PPFIBP1: variants seen among roughly 807,000 people sequenced by gnomAD.
The protein encoded by PPFIBP1 is liprin-beta-1.
A neutral mutation model predicts 137.8 loss-of-function variants in PPFIBP1; 112 were observed. That is an observed-to-expected ratio of 0.81 (90% confidence interval 0.70 to 0.95). PPFIBP1 has a LOEUF of 0.95. PPFIBP1 is among the 40% of genes least tolerant of loss of function. The pLI is 0.00. For missense variants in PPFIBP1, 1,083 were observed against 1,196.6 expected, an observed-to-expected ratio of 0.91 and a Z score of 1.40; for synonymous variants, 378 against 417.3, an observed-to-expected ratio of 0.91 and a Z score of 1.15.
At chr12:27,616,327 G>A (rs1305347895) in intron 2 of PPFIBP1, among the ~76,000 whole-genome samples, 1 of 139,994 alleles carries the variant, frequency 7.1e-6, no homozygotes, top group East Asian at 2.0e-4. Flanking sequence ...TTTTTTTTTG[G>A]TTCTGTTTGA....
chr12:27,682,034 A>G (rs1431926626), intron 22 of PPFIBP1, among the ~76,000 whole-genome samples: 1 of 17,176 alleles, frequency 5.8e-5, no homozygotes, highest in Non-Finnish European at 2.1e-4. Context: ...ACTTTGCAAA[A>G]GAAAAAAAAA....
rs71039825 is a variant in PPFIBP1 at position 27,598,538 on chromosome 12, CTGTG to C, written c.-36+20335_-36+20338del. Among the ~76,000 whole-genome samples, 650 of 150,806 alleles carry C rather than the reference CTGTG, an allele frequency of 4.3e-3. 2 individuals carry two copies. The highest frequency in any genetic ancestry group is 6.8e-3 in the East Asian group (35 of 5,126). On this transcript the variant is annotated intron_variant, in intron 2 of 29. Coordinates refer to ENST00000228425, the MANE Select transcript of PPFIBP1 (RefSeq NM_003622.4). ...CCATATCTGATATATTCTCTATAAT[CTGTG>C]TGTGTGTGTGTGTGTGTGTGTGTGT...
chr12:27,564,170 C>G (rs1488686810), intron 1 of PPFIBP1, among the ~76,000 whole-genome samples: 1 of 152,170 alleles, frequency 6.6e-6, no homozygotes, highest in Non-Finnish European at 1.5e-5. Flanking sequence ...CGTGCCTGGC[C>G]AATGCTTACC....
intron 2 of PPFIBP1, among the ~76,000 whole-genome samples, chr12:27,621,215 C>T (rs2056315738): frequency 6.6e-6 from 1 of 152,250 alleles, no homozygotes; most frequent in Non-Finnish European, 1.5e-5. Flanking sequence ...GGCATGAAAG[C>T]CACCATAGAT....
At chr12:27,664,693 A>G (rs1167652500) in intron 12 of PPFIBP1, among the ~76,000 whole-genome samples, 1 of 152,186 alleles carries the variant, frequency 6.6e-6, no homozygotes, top group Non-Finnish European at 1.5e-5. Context: ...TTCCAGAGAG[A>G]GAAAAACGAC....
chr12:27,635,192 T>C (rs753102982), intron 4 of PPFIBP1, 77 bp downstream of exon 4: 10 of 1,439,490 alleles, frequency 6.9e-6, no homozygotes, highest in Non-Finnish European at 8.8e-6. Flanking sequence ...GAATAGCTGA[T>C]TAGAACAAGA....
chr12:27,616,998 G>A (rs1369576063), intron 2 of PPFIBP1, among the ~76,000 whole-genome samples: 1 of 152,198 alleles, frequency 6.6e-6, no homozygotes, highest in Non-Finnish European at 1.5e-5. Context: ...ATTTGAAGTG[G>A]AGCCAACTCA....
chr12:27,536,689 T>G (rs1418364011), intron 1 of PPFIBP1, among the ~76,000 whole-genome samples: 1 of 152,204 alleles, frequency 6.6e-6, no homozygotes, highest in Non-Finnish European at 1.5e-5. Flanking sequence ...TCATATCACA[T>G]CGTTCTCCTC....
At chr12:27,671,213 A>G (rs776505537) in intron 13 of PPFIBP1, among the ~76,000 whole-genome samples, 1 of 152,214 alleles carries the variant, frequency 6.6e-6, no homozygotes, top group Non-Finnish European at 1.5e-5. Flanking sequence ...TGTCTTATTC[A>G]GAACCAAGTT....
At chr12:27,586,452 C>A (rs1010980) in intron 2 of PPFIBP1, among the ~76,000 whole-genome samples, 86,729 of 151,948 alleles carry the variant, frequency 0.57, 25,343 homozygotes, top group South Asian at 0.73. Flanking sequence ...TAATCCCAGC[C>A]CTTGGGAGGC....
chr12:27,619,500 A>G (rs779983300), intron 2 of PPFIBP1, among the ~76,000 whole-genome samples: 6 of 152,214 alleles, frequency 3.9e-5, no homozygotes, highest in Non-Finnish European at 7.4e-5. Flanking sequence ...TGACAGGGTA[A>G]TGACTCACCC....
intron 2 of PPFIBP1, among the ~76,000 whole-genome samples, chr12:27,579,317 T>C (rs1229662058): frequency 3.9e-5 from 6 of 152,202 alleles, no homozygotes; most frequent in African/African-American, 9.7e-5. Flanking sequence ...AAGGACCTTA[T>C]GCGTAGAGGA....
At chr12:27,604,035 T>C (rs1592785672) in intron 2 of PPFIBP1, among the ~76,000 whole-genome samples, 1 of 152,158 alleles carries the variant, frequency 6.6e-6, no homozygotes, top group African/African-American at 2.4e-5. Context: ...AGAAGTCAAG[T>C]GATCAAAATG....
chr12:27,622,266 G>GC (rs140736071), intron 2 of PPFIBP1, among the ~76,000 whole-genome samples: 13,138 of 152,020 alleles, frequency 0.086, 736 homozygotes, highest in East Asian at 0.12. Context: ...TGGCCAGTTT[G>GC]CCCCCCCAGA....
At chr12:27,661,044 C>G in intron 11 of PPFIBP1, 99 bp downstream of exon 11, 1 of 1,498,682 alleles carries the variant, frequency 6.7e-7, no homozygotes. Context: ...AAAGAACATG[C>G]CCAGAACACT....
intron 12 of PPFIBP1, 77 bp from the exon 13 acceptor site, chr12:27,667,089 G>T: frequency 2.2e-6 from 3 of 1,348,594 alleles, no homozygotes; most frequent in Non-Finnish European, 2.9e-6. Context: ...GTTATAATTG[G>T]GATTCTTATC....
chr12:27,621,423 T>A (rs1228185487), intron 2 of PPFIBP1, among the ~76,000 whole-genome samples: 1 of 152,216 alleles, frequency 6.6e-6, no homozygotes, highest in African/African-American at 2.4e-5. Context: ...TATGAATAAT[T>A]TGAAAAGCAT....
chr12:27,577,295 C>T (rs957796650), intron 1 of PPFIBP1, among the ~76,000 whole-genome samples: 1 of 151,836 alleles, frequency 6.6e-6, no homozygotes, highest in African/African-American at 2.4e-5. Flanking sequence ...CTTTTGCTTC[C>T]CTACTTGATT....
At position 27,582,240 on chromosome 12, in the gene PPFIBP1, T is replaced by G. The variant is rs113573868; in HGVS notation, c.-36+4001T>G. 1.4e-3 allele frequency among the ~76,000 whole-genome samples: 217 copies of G among 152,322 alleles called. 1 individual carries two copies. Among genetic ancestry groups the G allele is most frequent in the Middle Eastern group, 0.01 (3 of 294 alleles). On this transcript the variant is annotated intron_variant, in intron 2 of 29. Coordinates refer to ENST00000228425, the MANE Select transcript of PPFIBP1 (RefSeq NM_003622.4). Reference sequence around the variant, plus strand: ...TGTATGTGTGTGTGCATACATGCTGTCTCTATAACTGAGCAAGTGTTGTTT... The same window carrying G: ...TGTATGTGTGTGTGCATACATGCTGGCTCTATAACTGAGCAAGTGTTGTTT...
Sources: allele counts gnomAD v4.1 joint callset (sites outside exome capture counted in the v4.1 genomes callset), GRCh38; gene constraint gnomAD v4.1.1; transcripts MANE v1.5; gene names NCBI Gene and HGNC (gene_info 2026-07-23, HGNC 2026-07-21).